The following ATP2B1 variants were observed in gnomAD, a reference collection of about 807,000 sequenced individuals.
The protein encoded by ATP2B1 is ATPase plasma membrane Ca2+ transporting 1.
Under a neutral mutation model 124.2 loss-of-function variants are expected in ATP2B1, and 14 were observed. That is an observed-to-expected ratio of 0.11 (90% confidence interval 0.07 to 0.18). ATP2B1 has a LOEUF of 0.18. Among genes scored for constraint, ATP2B1 ranks in the 10% least tolerant of loss-of-function variants. The pLI is 1.00. For synonymous variants in ATP2B1, 449 were observed against 492.4 expected, an observed-to-expected ratio of 0.91 and a Z score of 1.17; for missense variants, 763 against 1,466.1, an observed-to-expected ratio of 0.52 and a Z score of 7.83.
chr12:89,689,960 C>T (rs915601544), intron 1 of ATP2B1, among the ~76,000 whole-genome samples: 1 of 152,066 alleles, frequency 6.6e-6, no homozygotes, highest in Non-Finnish European at 1.5e-5. Context: ...TAGAATTCAA[C>T]TTTTGAATAA....
chr12:89,642,349 C>G lies in ATP2B1; in HGVS notation c.215G>C (p.Ser72Thr). 1.2e-6 allele frequency: 2 copies of G among 1,604,432 alleles called. No homozygotes were observed. The highest frequency in any genetic ancestry group is 1.7e-6 in the Non-Finnish European group (2 of 1,177,404). ...TCTTTCTAAATCTGCAGGGTTTCCACTTAAACCTAATAAAAAGAAACAAAT... is the reference window on the plus strand; with the variant it reads ...TCTTTCTAAATCTGCAGGGTTTCCAGTTAAACCTAATAAAAAGAAACAAAT... ...KLKTSPNEGL[S>T]GNPADLERRE... Residue 72 changes from serine to threonine, a missense_variant, in exon 3 of 21, where the codon AGT becomes ACT. Physicochemically the swap from Ser to Thr is moderately conservative, Grantham distance 58 (BLOSUM62 1). This residue lies in a region of ATP2B1 where 93 missense variants were observed against 112.7 expected (regional missense o/e 0.83). Transcript: ENST00000428670.
intron 2 of ATP2B1, 81 bp downstream of exon 2, chr12:89,655,593 CAAGAT>C (rs1885860480): frequency 7.7e-7 from 1 of 1,294,796 alleles, no homozygotes; most frequent in Admixed American, 1.9e-5. Flanking sequence ...ATACAATCGC[CAAGAT>C]AATATAAGCA....
At chr12:89,678,243 TC>T (rs1888918744) in intron 1 of ATP2B1, among the ~76,000 whole-genome samples, 2 of 151,948 alleles carry the variant, frequency 1.3e-5, no homozygotes, top group Non-Finnish European at 2.9e-5. Context: ...CCATAGTGAT[TC>T]CATAATAGAA....
intron 1 of ATP2B1, among the ~76,000 whole-genome samples, chr12:89,668,986 C>A (rs748571127): frequency 3.9e-5 from 6 of 152,160 alleles, no homozygotes; most frequent in Non-Finnish European, 7.3e-5. Flanking sequence ...GACTCCATGG[C>A]ATGGAATTAA....
At chr12:89,676,659 A>C (rs1888644851) in intron 1 of ATP2B1, among the ~76,000 whole-genome samples, 1 of 152,116 alleles carries the variant, frequency 6.6e-6, no homozygotes, top group Non-Finnish European at 1.5e-5. Flanking sequence ...ATAATAAAGT[A>C]GTATGCAAAG....
In ATP2B1 at chr12:89,648,013, C is replaced by T. The variant is rs1423348612; in HGVS notation, c.209-5658G>A. On this transcript the variant is annotated intron_variant, in intron 2 of 20. Transcript: ENST00000428670. Reference sequence around the variant, plus strand: ...CCAGTGCCATGCTACCTGTATAGCCCGCAGAATTGTGAGCCCATTAAATCT... The same window carrying T: ...CCAGTGCCATGCTACCTGTATAGCCTGCAGAATTGTGAGCCCATTAAATCT... 3.9e-5 allele frequency among the ~76,000 whole-genome samples: 6 copies of T among 152,254 alleles called. No homozygotes were observed. The South Asian group carries it at 8.3e-4, about 21-fold the overall frequency.
intron 2 of ATP2B1, among the ~76,000 whole-genome samples, chr12:89,648,535 G>A (rs1884810260): frequency 6.6e-6 from 1 of 152,190 alleles, no homozygotes; most frequent in Admixed American, 6.5e-5. Context: ...CTATTAGCAG[G>A]AGCAAAGGAA....
chr12:89,678,719 A>G (rs1888982922), intron 1 of ATP2B1, among the ~76,000 whole-genome samples: 2 of 152,184 alleles, frequency 1.3e-5, no homozygotes, highest in South Asian at 4.1e-4. Flanking sequence ...AGAAAGGCTC[A>G]ATTTCAGCCA....
intron 1 of ATP2B1, among the ~76,000 whole-genome samples, chr12:89,659,382 A>ACACG (rs759054260): frequency 5.3e-5 from 8 of 151,194 alleles, no homozygotes; most frequent in Non-Finnish European, 1.2e-4. Flanking sequence ...ACACACACAC[A>ACACG]CGCACAAGCA....
chr12:89,627,411 A>T (rs1881069494), intron 7 of ATP2B1, among the ~76,000 whole-genome samples: 1 of 152,052 alleles, frequency 6.6e-6, no homozygotes, highest in Non-Finnish European at 1.5e-5. Context: ...AAAAAAAAAA[A>T]AAAAATCTGA....
intron 1 of ATP2B1, among the ~76,000 whole-genome samples, chr12:89,679,885 T>G (rs1889123624): frequency 6.6e-6 from 1 of 151,960 alleles, no homozygotes; most frequent in Admixed American, 6.6e-5. Context: ...CAGGCACAAT[T>G]AGGGCTTCTG....
Position 89,639,453 on chromosome 12 carries a change from G to A in ATP2B1, c.406+2705C>T, listed in dbSNP as rs568175974. On this transcript the variant is annotated intron_variant, in intron 3 of 20. Transcript: ENST00000428670. ...TTGGAGATGGAGGTTGCAGTGAGCC[G>A]AGATAGTGCCACTGCACTCCAGCCT... Among the ~76,000 whole-genome samples the A allele has an allele frequency of 2.5e-3, 373 of 151,972 alleles. 2 individuals carry two copies. The highest frequency in any genetic ancestry group is 6.0e-3 in the Admixed American group (92 of 15,258).
intron 18 of ATP2B1, 79 bp downstream of exon 18, chr12:89,602,964 G>T: frequency 1.6e-6 from 2 of 1,256,084 alleles, no homozygotes; most frequent in African/African-American, 1.5e-5. Flanking sequence ...TTCCACACAA[G>T]TGATTGCTAG....
chr12:89,676,025 T>A (rs1888564290), intron 1 of ATP2B1, among the ~76,000 whole-genome samples: 1 of 151,844 alleles, frequency 6.6e-6, no homozygotes, highest in Non-Finnish European at 1.5e-5. Context: ...GGGGAGGGGG[T>A]TAATTATGTC....
At position 89,671,771 on chromosome 12, in the gene ATP2B1, GT is replaced by G. The variant is rs34218036; in HGVS notation, c.-221-15665del. Among the ~76,000 whole-genome samples the G allele has an allele frequency of 2.2e-3, 305 of 139,962 alleles. 2 individuals are homozygous for G. The highest frequency in any genetic ancestry group is 6.7e-3 in the African/African-American group (254 of 37,980). The allele number at this position is 139,962 out of a possible 152,430, so 91.8% of individuals were successfully genotyped here. A position where few individuals can be genotyped will look rare whatever the true frequency, so the allele number is the denominator to read the frequency against. On this transcript the variant is annotated intron_variant, in intron 1 of 20. Coordinates refer to ENST00000428670, the MANE Select transcript of ATP2B1 (RefSeq NM_001366521.1). ...ACCTGAGAGTCTGTTTCCCAAGGCA[GT>G]TTTTTTTTTTTTTTTTACTGTAAAT...
At chr12:89,625,439 C>T (rs1389491488) in intron 8 of ATP2B1, among the ~76,000 whole-genome samples, 3 of 151,840 alleles carry the variant, frequency 2.0e-5, no homozygotes, top group Non-Finnish European at 4.4e-5. Flanking sequence ...CAAAAATCAG[C>T]CGGGTGTAGT....
chr12:89,689,855 A>G (rs1340051129), intron 1 of ATP2B1, among the ~76,000 whole-genome samples: 1 of 152,158 alleles, frequency 6.6e-6, no homozygotes, highest in East Asian at 1.9e-4. Context: ...AAAGTTTAGC[A>G]AATGTTTTCT....
chr12:89,637,531 T>G (rs1338144137), intron 3 of ATP2B1, among the ~76,000 whole-genome samples: 1 of 151,864 alleles, frequency 6.6e-6, no homozygotes, highest in East Asian at 1.9e-4. Flanking sequence ...CCAAGTAGCT[T>G]AGACCACAAG....
At position 89,603,519 on chromosome 12, in the gene ATP2B1, T is replaced by C. The variant is rs1177949261; in HGVS notation, c.2848+193A>G. The C allele has an allele frequency of 6.1e-6, 4 of 653,708 alleles. No homozygotes were observed. Among genetic ancestry groups the C allele is most frequent in the Non-Finnish European group, 1.0e-5 (4 of 387,118 alleles). The allele number at this position is 653,708 out of a possible 1,614,324, so 40.5% of individuals were successfully genotyped here. A position where few individuals can be genotyped will look rare whatever the true frequency, so the allele number is the denominator to read the frequency against. ...AAGACATCAGGACTGTTTATTCTCC[T>C]GTTTATTCTACTATCTAGCTTATTG... On this transcript the variant is annotated intron_variant, in intron 17 of 20. Coordinates refer to ENST00000428670, the MANE Select transcript of ATP2B1 (RefSeq NM_001366521.1). The surrounding 1 kb of genome is among the most constrained non-coding windows in gnomAD (Gnocchi z 4.3).
Sources: allele counts gnomAD v4.1 joint callset (sites outside exome capture counted in the v4.1 genomes callset), GRCh38; gene constraint gnomAD v4.1.1; regional missense constraint gnomAD v4.1.1; non-coding constraint Gnocchi (gnomAD v3.1); transcripts MANE v1.5; gene names NCBI Gene and HGNC (gene_info 2026-07-23, HGNC 2026-07-21).